TTC6: variants seen among roughly 807,000 people sequenced by gnomAD.
The protein encoded by TTC6 is tetratricopeptide repeat domain 6, also known as tetratricopeptide repeat protein 6.
TTC6 carries 172 observed loss-of-function variants against 210.4 expected under a neutral mutation model. The observed-to-expected ratio is 0.82, with a 90% confidence interval of 0.72 to 0.93. The LOEUF (loss-of-function observed/expected upper bound fraction) is 0.93. Ranked by LOEUF, TTC6 falls within the 40% of genes least tolerant of loss-of-function variation. The pLI is 0.00. For synonymous variants in TTC6, 804 were observed against 819.6 expected (o/e 0.98, Z 0.32); for missense variants, 2,414 against 2,318.1 (o/e 1.04, Z -0.85).
chr14:37,760,707 AC>A (rs993442211), intron 14 of TTC6, among the ~76,000 whole-genome samples: 1 of 152,074 alleles, frequency 6.6e-6, no homozygotes, highest in African/African-American at 2.4e-5. Flanking sequence ...TTTCAGAGAC[AC>A]CCTGCCCAGT....
At chr14:37,805,926 T>C (rs1000458978) in intron 21 of TTC6, among the ~76,000 whole-genome samples, 2 of 152,226 alleles carry the variant, frequency 1.3e-5, no homozygotes, top group African/African-American at 4.8e-5. Flanking sequence ...GGTCTTCATC[T>C]TTTCACCTCA....
At chr14:37,724,964 G>C in exon 7 of TTC6, 1 of 1,528,158 alleles carries the variant, frequency 6.5e-7, no homozygotes, top group Non-Finnish European at 8.8e-7. Context: ...CTCTGTTCCA[G>C]AATCTGTCAT....
chr14:37,787,692 C>A (rs1439342864), intron 15 of TTC6, 55 bp downstream of exon 17: 1 of 1,347,830 alleles, frequency 7.4e-7, no homozygotes, highest in South Asian at 2.0e-5. Flanking sequence ...TTCAACAGCT[C>A]AGTTTCATAG....
At chr14:37,707,731 T>G (rs995263806) in intron 5 of TTC6, among the ~76,000 whole-genome samples, 1 of 152,154 alleles carries the variant, frequency 6.6e-6, no homozygotes, top group Admixed American at 6.6e-5. Flanking sequence ...GTTTGGAGAC[T>G]GTCTTCACAG....
At chr14:37,627,120 A>C (rs1022084188) in intron 1 of TTC6, among the ~76,000 whole-genome samples, 1 of 151,562 alleles carries the variant, frequency 6.6e-6, no homozygotes. Context: ...TCTTGCTCCT[A>C]CTTTCATCAT....
intron 4 of TTC6, among the ~76,000 whole-genome samples, chr14:37,700,883 A>C (rs961934501): frequency 6.6e-6 from 1 of 151,908 alleles, no homozygotes; most frequent in Admixed American, 6.6e-5. Flanking sequence ...CCAGAGTTCT[A>C]TCAATGCTAG....
At chr14:37,808,408 G>T (rs571222448) in intron 23 of TTC6, among the ~76,000 whole-genome samples, 2 of 152,138 alleles carry the variant, frequency 1.3e-5, no homozygotes, top group Non-Finnish European at 2.9e-5. Flanking sequence ...CATTAATATG[G>T]GTGGCTTTAT....
intron 5 of TTC6, among the ~76,000 whole-genome samples, chr14:37,714,153 A>G (rs1460589810): frequency 1.3e-5 from 2 of 152,118 alleles, no homozygotes; most frequent in Admixed American, 6.6e-5. Context: ...GTTTTGTTCC[A>G]TATATATTCT....
intron 1 of TTC6, among the ~76,000 whole-genome samples, chr14:37,650,780 C>T (rs907779575): frequency 6.6e-6 from 1 of 152,152 alleles, no homozygotes; most frequent in Non-Finnish European, 1.5e-5. Flanking sequence ...AATCCGTATT[C>T]TTAGCATGGC....
At chr14:37,783,740 T>G (rs1470167614) in intron 14 of TTC6, among the ~76,000 whole-genome samples, 1 of 150,492 alleles carries the variant, frequency 6.6e-6, no homozygotes, top group Non-Finnish European at 1.5e-5. Context: ...CCATTTTAGA[T>G]CTTTCCTGCT....
intron 24 of TTC6, among the ~76,000 whole-genome samples, chr14:37,809,859 C>T (rs1227082615): frequency 4.6e-5 from 7 of 152,130 alleles, no homozygotes; most frequent in Non-Finnish European, 1.0e-4. Context: ...GCTAGTCTTG[C>T]GGTCTTTCAG....
chr14:37,759,144 T>A (rs1377174378), intron 14 of TTC6, among the ~76,000 whole-genome samples: 1 of 151,406 alleles, frequency 6.6e-6, no homozygotes, highest in East Asian at 2.0e-4. Flanking sequence ...ATGCCTATAG[T>A]CCCAGGTACT....
intron 14 of TTC6, among the ~76,000 whole-genome samples, chr14:37,765,027 A>G (rs2095994573): frequency 6.6e-6 from 1 of 151,880 alleles, no homozygotes; most frequent in Non-Finnish European, 1.5e-5. Flanking sequence ...TTACCTTTGA[A>G]TAATGATGTT....
intron 3 of TTC6, among the ~76,000 whole-genome samples, chr14:37,695,832 T>C (rs2095813807): frequency 6.6e-6 from 1 of 152,126 alleles, no homozygotes; most frequent in Non-Finnish European, 1.5e-5. Context: ...ATACCTTCTA[T>C]GTACCCACAA....
intron 1 of TTC6, among the ~76,000 whole-genome samples, chr14:37,658,928 C>A (rs1273243958): frequency 1.3e-5 from 2 of 152,022 alleles, no homozygotes; most frequent in Admixed American, 6.5e-5. Context: ...CTCCTCCCAC[C>A]CTTCACCCTC....
chr14:37,630,929 T>G (rs2095668630), intron 1 of TTC6, among the ~76,000 whole-genome samples: 2 of 104,270 alleles, frequency 1.9e-5, no homozygotes, highest in Admixed American at 9.7e-5. Flanking sequence ...TTTTTTTTTT[T>G]TTTTTTTTTT....
At chr14:37,725,340 ATATATATATATATATATAAT>A (rs1566912259) in intron 7 of TTC6, among the ~76,000 whole-genome samples, 1 of 103,068 alleles carries the variant, frequency 9.7e-6, no homozygotes, top group African/African-American at 3.4e-5. Context: ...ATATATATAT[ATATATATATATATATATAAT>A]TTTTTTTGAG....
intron 1 of TTC6, among the ~76,000 whole-genome samples, chr14:37,644,287 A>C (rs1395213454): frequency 6.6e-6 from 1 of 152,196 alleles, no homozygotes; most frequent in Non-Finnish European, 1.5e-5. Context: ...ATGCAATACC[A>C]ATGTGGTGTT....
upstream of TTC6, among the ~76,000 whole-genome samples, chr14:37,619,447 G>C (rs2139286487): frequency 6.6e-6 from 1 of 152,192 alleles, no homozygotes; most frequent in East Asian, 1.9e-4. Context: ...AAGAAATGTA[G>C]ATAAGTGATA....
Sources: allele counts gnomAD v4.1 joint callset (sites outside exome capture counted in the v4.1 genomes callset), GRCh38; gene constraint gnomAD v4.1.1; transcripts MANE v1.5; gene names NCBI Gene and HGNC (gene_info 2026-07-23, HGNC 2026-07-21).